The following ADRA1A variants were observed in gnomAD, a reference collection of about 807,000 sequenced individuals.
The protein encoded by ADRA1A is adrenoceptor alpha 1A.
ADRA1A carries 31 observed loss-of-function variants against 29.6 expected under a neutral mutation model. The observed-to-expected ratio is 1.05, with a 90% CI of 0.79 to 1.41. The LOEUF (loss-of-function observed/expected upper bound fraction) is 1.41, where lower values mean the gene tolerates loss of function less well. Among genes scored for constraint, ADRA1A ranks in the 40% most tolerant of loss-of-function variants. The pLI, the probability that ADRA1A is intolerant of heterozygous loss-of-function variation, is 0.00. For missense variants in ADRA1A, 619 were observed against 601.1 expected (o/e 1.03, Z -0.31); for synonymous variants, 311 against 254.3 (o/e 1.22, Z -2.12).
chr8:26,799,938 TG>T (rs1396636107), intron 2 of ADRA1A, among the ~76,000 whole-genome samples: 1 of 152,180 alleles, frequency 6.6e-6, no homozygotes, highest in Non-Finnish European at 1.5e-5. Context: ...GGAGGAGTTA[TG>T]TTACTTGACT....
chr8:26,861,303 GTTTTTTTTT>G (rs35538353), intron 2 of ADRA1A, among the ~76,000 whole-genome samples: 62 of 119,706 alleles, frequency 5.2e-4, no homozygotes, highest in African/African-American at 1.8e-3. Flanking sequence ...CAGAGGCTCT[GTTTTTTTTT>G]TTTTTTTTTT....
In ADRA1A at chr8:26,770,280, C is replaced by T. The variant is rs745335442; in HGVS notation, c.1270G>A (p.Val424Met). 2.5e-6 allele frequency: 4 copies of T among 1,614,064 alleles called. No homozygotes were observed. Among genetic ancestry groups the T allele is most frequent in the Non-Finnish European group, 3.4e-6 (4 of 1,180,026 alleles). Residue 424 changes from valine to methionine, a missense_variant, in exon 3 of 3, where the codon GTG (valine) becomes ATG (methionine). Physicochemically the swap from Val to Met is conservative, Grantham distance 21. Transcript: ENST00000380573. ...KDQSSCTTAR[V>M]RSKSFLQVCC... is the part of the protein sequence containing the mutation. ...ACCTGCAAAAAGCTTTTACTTCTCA[C>T]CCGGGCTGTGGTACAGGAGGATTGG...
At chr8:26,777,975 G>T (rs556511235) in intron 2 of ADRA1A, among the ~76,000 whole-genome samples, 1 of 152,306 alleles carries the variant, frequency 6.6e-6, no homozygotes, top group Non-Finnish European at 1.5e-5. Context: ...AGGTCACTTG[G>T]GGAGATGTCC....
chr8:26,866,217 T>C lies in ADRA1A; in HGVS notation c.-686-562A>G, dbSNP rs1239171175. On this transcript the variant is annotated intron_variant, in intron 1 of 2. Transcript: ENST00000380573. The surrounding 1 kb of genome is among the most constrained non-coding windows in gnomAD (Gnocchi z 5.7). ...CGGGTGTGCAGAGCGCACCGGTCTG[T>C]CCACCAGCCAAGCTGGCTTGAGAGC... is the stretch of plus-strand genomic sequence containing the variant. Among the ~76,000 whole-genome samples the C allele has an allele frequency of 6.6e-6, 1 of 152,116 alleles. No individual in the cohort carries two copies. The highest frequency in any genetic ancestry group is 6.5e-5 in the Admixed American group (1 of 15,276).
chr8:26,838,135 C>T (rs1435393225), intron 2 of ADRA1A, among the ~76,000 whole-genome samples: 4 of 152,160 alleles, frequency 2.6e-5, no homozygotes, highest in Non-Finnish European at 5.9e-5. Context: ...TGTTCTACAA[C>T]ATGTTTTCTT....
chr8:26,840,547 C>A (rs1811744543), intron 2 of ADRA1A, among the ~76,000 whole-genome samples: 1 of 151,254 alleles, frequency 6.6e-6, no homozygotes, highest in South Asian at 2.1e-4. Context: ...TGTACCAATG[C>A]ACTTCTTGGG....
At chr8:26,774,656 G>T (rs1049461359) in intron 2 of ADRA1A, among the ~76,000 whole-genome samples, 4 of 149,136 alleles carry the variant, frequency 2.7e-5, no homozygotes, top group African/African-American at 9.9e-5. Flanking sequence ...CAACGGGAGT[G>T]AACCCCTGTC....
chr8:26,854,175 G>C (rs1812833577), intron 2 of ADRA1A: 1 of 152,314 alleles, frequency 6.6e-6, no homozygotes, highest in South Asian at 2.1e-4. Flanking sequence ...GAAGAAGGTA[G>C]TGGAAAGAGG....
intron 2 of ADRA1A, among the ~76,000 whole-genome samples, chr8:26,772,841 G>A (rs1456634317): frequency 6.8e-6 from 1 of 147,284 alleles, no homozygotes; most frequent in African/African-American, 2.6e-5. Context: ...TCCCTGCTAA[G>A]TTCCATGTGT....
downstream of ADRA1A, among the ~76,000 whole-genome samples, chr8:26,754,999 G>T (rs1012883686): frequency 6.6e-6 from 1 of 152,106 alleles, no homozygotes; most frequent in Non-Finnish European, 1.5e-5. Flanking sequence ...GTTGTTGTTG[G>T]AAAAACTTGT....
chr8:26,818,188 A>G (rs1335724129), intron 2 of ADRA1A, among the ~76,000 whole-genome samples: 2 of 152,234 alleles, frequency 1.3e-5, no homozygotes, highest in East Asian at 3.9e-4. Context: ...CGGTTTGACT[A>G]TAAACAGACA....
intron 2 of ADRA1A, among the ~76,000 whole-genome samples, chr8:26,810,838 A>G (rs1355538243): frequency 6.6e-6 from 1 of 152,202 alleles, no homozygotes; most frequent in African/African-American, 2.4e-5. Context: ...AATAGTTTGT[A>G]AGTAAAATAA....
intron 2 of ADRA1A, among the ~76,000 whole-genome samples, chr8:26,847,486 T>C (rs1812297458): frequency 6.6e-6 from 1 of 152,118 alleles, no homozygotes. Context: ...CAAAACAACA[T>C]GAAAATTCCA....
Position 26,860,529 on chromosome 8 carries a change from T to C in ADRA1A, c.883+3558A>G, listed in dbSNP as rs1406327472. Among the ~76,000 whole-genome samples, 2 of 152,294 alleles carry C rather than the reference T, an allele frequency of 1.3e-5. No individual in the cohort carries two copies. The highest frequency in any genetic ancestry group is 2.4e-5 in the African/African-American group (1 of 41,560). ...CAGATAGGCCTTCAGGACTTCCCAG[T>C]GACTCTACCAAACTTCCATAAAATG... is the stretch of plus-strand genomic sequence containing the variant. On this transcript the variant is annotated intron_variant, in intron 2 of 2. Transcript: ENST00000380573. The surrounding 1 kb of genome is among the most constrained non-coding windows in gnomAD (Gnocchi z 4.7).
chr8:26,803,919 C>CTTTTTTTTTTTTTTTTT (rs34314160), intron 2 of ADRA1A, among the ~76,000 whole-genome samples: 1 of 95,246 alleles, frequency 1.0e-5, no homozygotes, highest in African/African-American at 4.4e-5. Context: ...TGGAAGTTTC[C>CTTTTTTTTTTTTTTTTT]TTTTTTTTTT....
intron 2 of ADRA1A, among the ~76,000 whole-genome samples, chr8:26,827,717 G>A (rs745970566): frequency 2.0e-5 from 3 of 151,402 alleles, no homozygotes; most frequent in Non-Finnish European, 4.4e-5. Flanking sequence ...ATAAAGACAC[G>A]AATCCCAAAC....
intron 2 of ADRA1A, among the ~76,000 whole-genome samples, chr8:26,773,708 A>T (rs1399053225): frequency 6.6e-6 from 1 of 152,116 alleles, no homozygotes; most frequent in Non-Finnish European, 1.5e-5. Context: ...CTTCAATTAC[A>T]CTCATTCTGC....
intron 2 of ADRA1A, among the ~76,000 whole-genome samples, chr8:26,826,737 G>A (rs1810602268): frequency 6.6e-6 from 1 of 152,072 alleles, no homozygotes; most frequent in Non-Finnish European, 1.5e-5. Context: ...CAAGATCTTG[G>A]GTCTTTTGCT....
intron 2 of ADRA1A, among the ~76,000 whole-genome samples, chr8:26,834,646 G>A (rs1200063600): frequency 6.6e-6 from 1 of 152,188 alleles, no homozygotes; most frequent in Non-Finnish European, 1.5e-5. Context: ...CAGCCCAGAA[G>A]AGCCATCAGC....
Sources: gnomAD v4.1 joint callset for allele counts (sites outside exome capture counted in the v4.1 genomes callset) on GRCh38, gnomAD v4.1.1 for gene constraint, Gnocchi (gnomAD v3.1) non-coding constraint, MANE v1.5 for transcripts, NCBI Gene and HGNC (gene_info 2026-07-23, HGNC 2026-07-21) for gene names.